The following DDHD1 variants were observed in gnomAD, a reference collection of about 807,000 sequenced individuals.
The protein encoded by DDHD1 is DDHD domain containing 1, also known as phospholipase DDHD1.
In DDHD1, 49 loss-of-function variants were observed where a neutral mutation model predicts 96.4. The ratio of observed to expected loss-of-function variants is 0.51; its 90% CI spans 0.40 to 0.64. DDHD1 has a LOEUF of 0.64. DDHD1 is among the 30% of genes least tolerant of loss of function. The pLI is 0.00. For missense variants in DDHD1, 1,106 were observed against 1,161.2 expected, an observed-to-expected ratio of 0.95 and a Z score of 0.69; for synonymous variants, 442 against 446.5, an observed-to-expected ratio of 0.99 and a Z score of 0.13.
At chr14:53,086,241 C>A (rs899237364) in intron 4 of DDHD1, among the ~76,000 whole-genome samples, 3 of 152,110 alleles carry the variant, frequency 2.0e-5, no homozygotes, top group Non-Finnish European at 4.4e-5. Context: ...GGATATTATC[C>A]AGGAGAACTT....
At chr14:53,106,094 A>G (rs1214297055) in intron 1 of DDHD1, among the ~76,000 whole-genome samples, 2 of 152,046 alleles carry the variant, frequency 1.3e-5, no homozygotes, top group African/African-American at 4.8e-5. Context: ...CTTATTACCT[A>G]TATTGTGGAG....
intron 3 of DDHD1, chr14:53,092,321 T>C (rs765055423): frequency 2.2e-4 from 34 of 154,136 alleles, no homozygotes; most frequent in Admixed American, 1.3e-4. Context: ...AAGACAACCA[T>C]TCAAATAGCA....
At chr14:53,132,347 T>C (rs1889929128) in intron 1 of DDHD1, among the ~76,000 whole-genome samples, 1 of 152,174 alleles carries the variant, frequency 6.6e-6, no homozygotes, top group Non-Finnish European at 1.5e-5. Flanking sequence ...ACTGCATCTC[T>C]CTGATCTACC....
At chr14:53,138,665 C>CT (rs1890416991) in intron 1 of DDHD1, among the ~76,000 whole-genome samples, 2 of 152,050 alleles carry the variant, frequency 1.3e-5, no homozygotes, top group African/African-American at 4.8e-5. Context: ...TAAGTACTTG[C>CT]TTACTTAGGG....
intron 2 of DDHD1, among the ~76,000 whole-genome samples, chr14:53,101,203 TTTG>T: frequency 6.6e-6 from 1 of 152,286 alleles, no homozygotes; most frequent in Non-Finnish European, 1.5e-5. Flanking sequence ...TTTTTTAGTC[TTTG>T]TAGTTACAAA....
chr14:53,051,820 T>A lies in DDHD1; in HGVS notation c.2521+24A>T, dbSNP rs556748241. On this transcript the variant is annotated intron_variant, in intron 12 of 12. Transcript: ENST00000673822. ...TAGATCATTTTTATAGTATTCTGAA[T>A]GCTATTCCTGACATATACCATACCG... 13 of 1,538,044 alleles carry A rather than the reference T, an allele frequency of 8.5e-6. No homozygotes were observed. In the South Asian group the frequency reaches 1.2e-4, roughly 14 times the overall value.
intron 12 of DDHD1, among the ~76,000 whole-genome samples, chr14:53,050,167 T>C (rs934167843): frequency 2.0e-5 from 3 of 152,088 alleles, no homozygotes; most frequent in African/African-American, 7.2e-5. Flanking sequence ...AGAGGCTCTC[T>C]GGAAGGAGGA....
chr14:53,054,473 A>C lies in DDHD1; in HGVS notation c.2402T>G (p.Leu801Arg). Residue 801 changes from leucine (L) to arginine (R), a missense_variant, in exon 11 of 13, where the codon CTT becomes CGT. By Grantham distance (102) the Leu-to-Arg change is moderately radical. Transcript: ENST00000673822. The stretch of plus-strand genomic sequence containing the variant: ...GAGGAAGCCAGAACTGCTATGTGGA[A>C]GGGTCTGTGTCCCTACGGTGGTAGC... ...PSATTVGTQTLPHSSSGFLDS... is the reference protein window; with the variant it reads ...PSATTVGTQTRPHSSSGFLDS... 6.2e-7 allele frequency: 1 copy of C among 1,614,066 alleles called. No individual in the cohort carries two copies. Among genetic ancestry groups the C allele is most frequent in the South Asian group, 1.1e-5 (1 of 91,066 alleles).
chr14:53,093,191 A>C lies in DDHD1; in HGVS notation c.1141+125T>G, dbSNP rs1018104757. 5 of 933,602 alleles carry C rather than the reference A, an allele frequency of 5.4e-6. No homozygotes were observed. In the African/African-American group the frequency reaches 8.6e-5, roughly 16 times the overall value. The allele number at this position is 933,602 out of a possible 1,614,324, so 57.8% of individuals were successfully genotyped here. On this transcript the variant is annotated intron_variant, in intron 3 of 12. Coordinates refer to ENST00000673822, the MANE Select transcript of DDHD1 (RefSeq NM_001160148.2). ...TTAATAAAAGTTTCATTTAAAAAGGAATCTGTCACTAAATTTAATATACTT... is the reference window on the plus strand; with the variant it reads ...TTAATAAAAGTTTCATTTAAAAAGGCATCTGTCACTAAATTTAATATACTT...
intron 1 of DDHD1, among the ~76,000 whole-genome samples, chr14:53,135,180 A>C (rs1307170047): frequency 6.6e-6 from 1 of 152,222 alleles, no homozygotes; most frequent in Admixed American, 6.5e-5. Flanking sequence ...GCAGGTATAC[A>C]TCCAGATGGC....
chr14:53,149,634 T>G (rs891015105), intron 1 of DDHD1, among the ~76,000 whole-genome samples: 1 of 152,210 alleles, frequency 6.6e-6, no homozygotes, highest in Non-Finnish European at 1.5e-5. Flanking sequence ...GGCTTGGACA[T>G]CCACAGGATT....
Position 53,056,010 on chromosome 14 carries a change from T to A in DDHD1, c.1993-98A>T. 4 of 990,744 alleles carry A rather than the reference T, an allele frequency of 4.0e-6. 1 individual carries two copies. The South Asian group carries it at 6.8e-5, about 17-fold the overall frequency. The allele number at this position is 990,744 out of a possible 1,614,324, so 61.4% of individuals were successfully genotyped here. A position where few individuals can be genotyped will look rare whatever the true frequency, so the allele number is the denominator to read the frequency against. On this transcript the variant is annotated intron_variant, in intron 9 of 12. Transcript: ENST00000673822. ...TACTCTACTGCATGTTAAGTAAACC[T>A]CCGAGAAGGAATTTAATTAAAAAAC... is the stretch of plus-strand genomic sequence containing the variant.
chr14:53,125,612 T>C (rs183676131), intron 1 of DDHD1, among the ~76,000 whole-genome samples: 1 of 152,314 alleles, frequency 6.6e-6, no homozygotes, highest in East Asian at 1.9e-4. Flanking sequence ...ATTTTCTCTT[T>C]CTACTCTACA....
intron 4 of DDHD1, among the ~76,000 whole-genome samples, chr14:53,090,524 C>T (rs955570248): frequency 6.6e-6 from 1 of 152,168 alleles, no homozygotes; most frequent in Non-Finnish European, 1.5e-5. Context: ...CACATATACA[C>T]CATGGAATAT....
chr14:53,057,349 A>G (rs938495872), intron 9 of DDHD1, among the ~76,000 whole-genome samples: 4 of 152,144 alleles, frequency 2.6e-5, no homozygotes, highest in African/African-American at 9.7e-5. Context: ...CTTGTCTGAA[A>G]ATCTTACTTG....
chr14:53,132,775 T>C (rs1490011387), intron 1 of DDHD1, among the ~76,000 whole-genome samples: 4 of 152,204 alleles, frequency 2.6e-5, no homozygotes, highest in African/African-American at 9.7e-5. Flanking sequence ...GAAGCTGGAA[T>C]CATTCACTGC....
chr14:53,094,785 A>G (rs1430729242), intron 2 of DDHD1, among the ~76,000 whole-genome samples: 1 of 152,024 alleles, frequency 6.6e-6, no homozygotes, highest in Non-Finnish European at 1.5e-5. Flanking sequence ...TCAAGCCTGC[A>G]ATGAGCTATG....
At chr14:53,069,237 T>C (rs763199709) in intron 6 of DDHD1, among the ~76,000 whole-genome samples, 3 of 152,242 alleles carry the variant, frequency 2.0e-5, no homozygotes, top group East Asian at 1.9e-4. Context: ...TGGGAAATAA[T>C]AGCGCTAGAG....
intron 1 of DDHD1, among the ~76,000 whole-genome samples, chr14:53,112,647 C>T (rs1310229523): frequency 2.6e-4 from 39 of 152,170 alleles, no homozygotes; most frequent in Non-Finnish European, 1.5e-5. Flanking sequence ...TAAAAATATA[C>T]TTATAATCTG....
Sources: gnomAD v4.1 joint callset for allele counts (sites outside exome capture counted in the v4.1 genomes callset) on GRCh38, gnomAD v4.1.1 for gene constraint, MANE v1.5 for transcripts, NCBI Gene and HGNC (gene_info 2026-07-23, HGNC 2026-07-21) for gene names.